RORB: variants seen among roughly 807,000 people sequenced by gnomAD.
The protein encoded by RORB is nuclear receptor ROR-beta.
Under a neutral mutation model 59.1 loss-of-function variants are expected in RORB, and 6 were observed. The ratio of observed to expected loss-of-function variants is 0.10; its 90% CI spans 0.06 to 0.20. The LOEUF (loss-of-function observed/expected upper bound fraction) is 0.20, where lower values mean the gene tolerates loss of function less well. Among genes scored for constraint, RORB ranks in the 10% least tolerant of loss-of-function variants. RORB has a pLI of 1.00. For synonymous variants in RORB, 215 were observed against 204.5 expected (o/e 1.05, Z -0.44); for missense variants, 320 against 560.5 (o/e 0.57, Z 4.33).
At chr9:74,501,178 A>G (rs549432159) in intron 1 of RORB, among the ~76,000 whole-genome samples, 1 of 152,058 alleles carries the variant, frequency 6.6e-6, no homozygotes, top group Non-Finnish European at 1.5e-5. Flanking sequence ...CGTCGCAATC[A>G]ATAGGTGATT....
Position 74,665,612 on chromosome 9 carries a change from T to G in RORB, c.1000+17T>G, listed in dbSNP as rs1256646132. The G allele has an allele frequency of 2.7e-6, 4 of 1,488,792 alleles. No individual in the cohort carries two copies. The highest frequency in any genetic ancestry group is 1.7e-5 in the Admixed American group (1 of 59,034). 92.2% of individuals were successfully genotyped at this position (1,488,792 alleles called of 1,614,324 possible). ...AAGCCTTAGGTAAGTTTCCCTTTGA[T>G]GAGGACACAATTTTATTAGCCACCA... On this transcript the variant is annotated intron_variant, in intron 7 of 9. Coordinates refer to ENST00000376896, the MANE Select transcript of RORB (RefSeq NM_006914.4).
At chr9:74,520,960 G>A (rs1192397654) in intron 1 of RORB, among the ~76,000 whole-genome samples, 2 of 151,784 alleles carry the variant, frequency 1.3e-5, no homozygotes, top group Middle Eastern at 3.2e-3. Context: ...TTAAATTGAG[G>A]CAATCATCTT....
chr9:74,563,237 G>C (rs936092706), intron 1 of RORB, among the ~76,000 whole-genome samples: 1 of 148,126 alleles, frequency 6.8e-6, no homozygotes, highest in Non-Finnish European at 1.5e-5. Context: ...CCAGGCTGGA[G>C]TGCAGTAGCA....
At position 74,571,401 on chromosome 9, in the gene RORB, TA is replaced by T. The variant is rs78421295; in HGVS notation, c.8-58865del. Among the ~76,000 whole-genome samples, 988 of 135,734 alleles carry T rather than the reference TA, an allele frequency of 7.3e-3. 6 individuals carry two copies. The highest frequency in any genetic ancestry group is 0.015 in the South Asian group (62 of 4,216). 89.0% of individuals were successfully genotyped at this position (135,734 alleles called of 152,430 possible). ...CACTACAGTACTTGCTACTTTCCTTTAAAAAAAAAAAAAAAACACAGTTTTA... is the reference window on the plus strand; with the variant it reads ...CACTACAGTACTTGCTACTTTCCTTTAAAAAAAAAAAAAAACACAGTTTTA... On this transcript the variant is annotated intron_variant, in intron 1 of 9. Coordinates refer to ENST00000376896, the MANE Select transcript of RORB (RefSeq NM_006914.4).
chr9:74,663,998 A>T (rs1202035880), intron 6 of RORB, among the ~76,000 whole-genome samples: 1 of 152,154 alleles, frequency 6.6e-6, no homozygotes, highest in African/African-American at 2.4e-5. Flanking sequence ...AGATTCAAAG[A>T]TAGGAGACAT....
intron 9 of RORB, among the ~76,000 whole-genome samples, chr9:74,681,187 C>T (rs779326367): frequency 2.0e-5 from 3 of 152,188 alleles, no homozygotes; most frequent in East Asian, 1.9e-4. Flanking sequence ...GATCACTTCC[C>T]CAGCTGTTTA....
At chr9:74,666,472 G>A (rs1824267211) in intron 7 of RORB, among the ~76,000 whole-genome samples, 1 of 151,046 alleles carries the variant, frequency 6.6e-6, no homozygotes, top group South Asian at 2.1e-4. Flanking sequence ...AAAAAAAAAG[G>A]AAAGAAATAA....
intron 1 of RORB, among the ~76,000 whole-genome samples, chr9:74,576,149 A>C (rs1587366572): frequency 6.6e-6 from 1 of 152,128 alleles, no homozygotes; most frequent in Non-Finnish European, 1.5e-5. Context: ...CATGATCTTT[A>C]ATTATAAAAT....
At chr9:74,566,699 A>T (rs1463285967) in intron 1 of RORB, among the ~76,000 whole-genome samples, 1 of 152,168 alleles carries the variant, frequency 6.6e-6, no homozygotes, top group Non-Finnish European at 1.5e-5. Context: ...CGCAAGAGTG[A>T]GGCAAAAGAA....
chr9:74,617,587 A>C (rs1194668791), intron 1 of RORB, among the ~76,000 whole-genome samples: 1 of 152,206 alleles, frequency 6.6e-6, no homozygotes, highest in Non-Finnish European at 1.5e-5. Context: ...GAAAGTGTGC[A>C]GTATCAGCAG....
chr9:74,640,933 C>G (rs974678278), intron 3 of RORB, among the ~76,000 whole-genome samples: 5 of 152,158 alleles, frequency 3.3e-5, no homozygotes, highest in Admixed American at 6.5e-5. Context: ...TCTGTGTTCC[C>G]TTTGTGCTAG....
rs1308704540 is a variant in RORB at position 74,690,581 on chromosome 9, G to C, written c.*4963G>C. The C allele has an allele frequency of 1.3e-5, 2 of 152,252 alleles. No individual in the cohort carries two copies. The highest frequency in any genetic ancestry group is 3.9e-4 in the East Asian group (2 of 5,192). The allele number at this position is 152,252 out of a possible 1,614,324, so 9.4% of individuals were successfully genotyped here. A position where few individuals can be genotyped will look rare whatever the true frequency, so the allele number is the denominator to read the frequency against. On this transcript the variant is annotated 3_prime_UTR_variant, in exon 10 of 10. Coordinates refer to ENST00000376896, the MANE Select transcript of RORB (RefSeq NM_006914.4). Reference sequence around the variant, plus strand: ...CATAGATCGTCAGCTTGCAGCCTCTGGTTTAAAGCAAAATCGCATCTGGGG... The same window carrying C: ...CATAGATCGTCAGCTTGCAGCCTCTCGTTTAAAGCAAAATCGCATCTGGGG...
intron 1 of RORB, among the ~76,000 whole-genome samples, chr9:74,584,479 T>G (rs1452014080): frequency 6.6e-6 from 1 of 152,240 alleles, no homozygotes; most frequent in African/African-American, 2.4e-5. Context: ...GTTCAGCTTA[T>G]AGTCAGTACT....
At chr9:74,655,828 G>A (rs535835663) in intron 4 of RORB, among the ~76,000 whole-genome samples, 6 of 152,272 alleles carry the variant, frequency 3.9e-5, no homozygotes, top group South Asian at 2.1e-4. Flanking sequence ...TAGCTGTACC[G>A]CGTCTTGTAA....
In RORB at chr9:74,688,208, G is replaced by C. The variant is rs186162591; in HGVS notation, c.*2590G>C. 11 of 152,316 alleles carry C rather than the reference G, an allele frequency of 7.2e-5. No homozygotes were observed. The highest frequency in any genetic ancestry group is 2.9e-5 in the Non-Finnish European group (2 of 68,060). The allele number at this position is 152,316 out of a possible 1,614,324, so 9.4% of individuals were successfully genotyped here. ...TTGAAGCTGGGAGGAAGGAAACAGA[G>C]CTAGCATCTGAACCAGAGCAAAACA... On this transcript the variant is annotated 3_prime_UTR_variant, in exon 10 of 10. Transcript: ENST00000376896.
At chr9:74,576,778 T>G (rs943149810) in intron 1 of RORB, among the ~76,000 whole-genome samples, 2 of 152,104 alleles carry the variant, frequency 1.3e-5, no homozygotes, top group African/African-American at 4.8e-5. Context: ...TAAAGAACAT[T>G]CTTATATAAT....
At chr9:74,624,762 G>T (rs1334711080) in intron 1 of RORB, among the ~76,000 whole-genome samples, 1 of 152,158 alleles carries the variant, frequency 6.6e-6, no homozygotes, top group Non-Finnish European at 1.5e-5. Flanking sequence ...GATACAATTT[G>T]GGTAGATGAG....
intron 1 of RORB, among the ~76,000 whole-genome samples, chr9:74,586,502 GA>G (rs1480315387): frequency 1.3e-5 from 2 of 150,780 alleles, no homozygotes; most frequent in Admixed American, 1.3e-4. Context: ...TGTCTGAAAA[GA>G]AAAGAAAAAA....
chr9:74,591,906 G>T (rs962155768), intron 1 of RORB, among the ~76,000 whole-genome samples: 1 of 152,150 alleles, frequency 6.6e-6, no homozygotes, highest in Non-Finnish European at 1.5e-5. Context: ...GTGTGTGCGT[G>T]TGCATGTGCC....
Sources: allele counts gnomAD v4.1 joint callset (sites outside exome capture counted in the v4.1 genomes callset), GRCh38; gene constraint gnomAD v4.1.1; transcripts MANE v1.5; gene names NCBI Gene and HGNC (gene_info 2026-07-23, HGNC 2026-07-21).